The following CETP variants were observed in gnomAD, a reference collection of about 807,000 sequenced individuals.
The protein encoded by CETP is BPI fold containing family F.
Under a neutral mutation model 66.5 loss-of-function variants are expected in CETP, and 56 were observed. The observed-to-expected ratio is 0.84, with a 90% confidence interval of 0.68 to 1.05. The LOEUF (loss-of-function observed/expected upper bound fraction) is 1.05. CETP is among the 50% of genes least tolerant of loss of function. CETP has a pLI of 0.00. For missense variants in CETP, 612 were observed against 609.6 expected (o/e 1.00, Z -0.04); for synonymous variants, 251 against 245.7 (o/e 1.02, Z -0.20).
chr16:56,977,210 C>G (rs943382122), intron 10 of CETP, among the ~76,000 whole-genome samples: 1 of 152,162 alleles, frequency 6.6e-6, no homozygotes, highest in Non-Finnish European at 1.5e-5. Flanking sequence ...CGCACCCCGC[C>G]GGCCCTTTCT....
Position 56,978,216 on chromosome 16 carries a change from C to G in CETP, c.1107C>G (p.Arg369=). ...SSVMVKFLFP[R]PDQQHSVAYT... ...TGATGGTGAAATTCCTCTTTCCACGCCCAGACCAGCAACATTCTGTAGCTT... is the reference window on the plus strand; with the variant it reads ...TGATGGTGAAATTCCTCTTTCCACGGCCAGACCAGCAACATTCTGTAGCTT... The change falls in exon 11 of 16, where the codon CGC becomes CGG. Residue 369 remains arginine, a synonymous_variant. Coordinates refer to ENST00000200676, the MANE Select transcript of CETP (RefSeq NM_000078.3). 6.2e-7 allele frequency: 1 copy of G among 1,614,220 alleles called. No homozygotes were observed. Among genetic ancestry groups the G allele is most frequent in the African/African-American group, 1.3e-5 (1 of 75,056 alleles).
At chr16:56,968,148 G>T (rs1448079488) in intron 2 of CETP, among the ~76,000 whole-genome samples, 1 of 151,750 alleles carries the variant, frequency 6.6e-6, no homozygotes, top group African/African-American at 2.4e-5. Context: ...ATATTTATGG[G>T]GTACATGAGA....
intron 4 of CETP, 63 bp downstream of exon 4, chr16:56,969,744 G>C (rs907604241): frequency 1.3e-6 from 2 of 1,597,012 alleles, no homozygotes; most frequent in Admixed American, 1.7e-5. Flanking sequence ...CTCAGCAGAG[G>C]GGGAGGTTGT....
At chr16:56,970,341 T>C (rs2056100984) in intron 5 of CETP, among the ~76,000 whole-genome samples, 1 of 152,192 alleles carries the variant, frequency 6.6e-6, no homozygotes, top group Non-Finnish European at 1.5e-5. Flanking sequence ...ATGGGTAAAC[T>C]GAGTCACAGA....
chr16:56,964,152 T>A (rs543106555), intron 2 of CETP, among the ~76,000 whole-genome samples: 3 of 151,540 alleles, frequency 2.0e-5, no homozygotes, highest in African/African-American at 7.3e-5. Flanking sequence ...TCAGCCTCCC[T>A]AGTAGCTGGG....
chr16:56,972,135 TC>T (rs2056115844), intron 8 of CETP, 52 bp downstream of exon 8: 1 of 1,419,048 alleles, frequency 7.0e-7, no homozygotes, highest in African/African-American at 1.4e-5. Context: ...GGGGAGTTGG[TC>T]CTTTTTTGTG....
chr16:56,962,376 G>C (rs708272), intron 1 of CETP: 1 of 666,622 alleles, frequency 1.5e-6, no homozygotes, highest in South Asian at 1.4e-5. Context: ...ACTGGGGTTC[G>C]AGTTAGGGTT....
intron 9 of CETP, 69 bp from the exon 10 acceptor site, chr16:56,975,032 C>T: frequency 1.4e-6 from 2 of 1,430,604 alleles, no homozygotes; most frequent in Non-Finnish European, 2.0e-6. Flanking sequence ...GCCCTTGGTC[C>T]CTGCGAAGTT....
chr16:56,970,849 G>T (rs1203183459), intron 5 of CETP, among the ~76,000 whole-genome samples, 184 bp from the exon 6 acceptor site: 1 of 152,228 alleles, frequency 6.6e-6, no homozygotes, highest in Non-Finnish European at 1.5e-5. Flanking sequence ...CTGGGATGGT[G>T]CCACAGTTAA....
At chr16:56,962,448 T>A (rs1382647112) in intron 1 of CETP, 1 of 541,436 alleles carries the variant, frequency 1.8e-6, no homozygotes, top group Non-Finnish European at 3.6e-6. Context: ...TGGTGTATAT[T>A]TGGTGTTGGG....
intron 8 of CETP, 138 bp from the exon 9 acceptor site, chr16:56,973,193 A>G: frequency 1.1e-6 from 1 of 874,310 alleles, no homozygotes; most frequent in Non-Finnish European, 1.8e-6. Flanking sequence ...CCGCTGGGGG[A>G]AACTGGGTAC....
At chr16:56,964,018 ATTTAT>A in intron 2 of CETP, among the ~76,000 whole-genome samples, 1 of 138,150 alleles carries the variant, frequency 7.2e-6, no homozygotes, top group South Asian at 2.3e-4. Flanking sequence ...TTATTTATTT[ATTTAT>A]TTATTTATTT....
chr16:56,963,139 G>C lies in CETP; in HGVS notation c.233+15G>C, dbSNP rs780907769. On this transcript the variant is annotated intron_variant, in intron 2 of 15. Coordinates refer to ENST00000200676, the MANE Select transcript of CETP (RefSeq NM_000078.3). ...GGGTTGCACAAGTGAGTCGGGCCTC[G>C]GGTGTGACCAGGCTGGGGGTAGGGA... The C allele has an allele frequency of 6.2e-7, 1 of 1,605,288 alleles. No homozygotes were observed. Among genetic ancestry groups the C allele is most frequent in the African/African-American group, 1.3e-5 (1 of 74,848 alleles).
intron 2 of CETP, among the ~76,000 whole-genome samples, chr16:56,966,767 TC>T (rs2056069760): frequency 7.8e-6 from 1 of 128,282 alleles, no homozygotes; most frequent in South Asian, 2.4e-4. Flanking sequence ...TCCCGGCTAA[TC>T]TTTTTTTTTT....
chr16:56,981,267 A>G (rs1567476111), intron 12 of CETP, 42 bp downstream of exon 12: 1 of 1,485,518 alleles, frequency 6.7e-7, no homozygotes. Flanking sequence ...AACTCCGCAA[A>G]CCTCTCCCTG....
At position 56,970,756 on chromosome 16, in the gene CETP, C is replaced by T. The variant is rs542467807; in HGVS notation, c.528-277C>T. ...TTTCTGACTCTGGAGCAGACGGATA[C>T]ATGTATGAATTTGGACTCTAGACAC... is the stretch of plus-strand genomic sequence containing the variant. On this transcript the variant is annotated intron_variant, in intron 5 of 15. Transcript: ENST00000200676. Among the ~76,000 whole-genome samples, 3 of 152,292 alleles carry T rather than the reference C, an allele frequency of 2.0e-5. No homozygotes were observed. In the South Asian group the frequency reaches 6.2e-4, roughly 32 times the overall value.
At chr16:56,979,803 G>A (rs764048613) in intron 11 of CETP, among the ~76,000 whole-genome samples, 13 of 151,732 alleles carry the variant, frequency 8.6e-5, no homozygotes, top group Admixed American at 3.9e-4. Context: ...CACTGTGCTC[G>A]GCCAATATTT....
At position 56,969,611 on chromosome 16, in the gene CETP, G is replaced by C. The variant is rs1293086003; in HGVS notation, c.369G>C (p.Trp123Cys). 6.2e-7 allele frequency: 1 copy of C among 1,614,212 alleles called. No homozygotes were observed. Among genetic ancestry groups the C allele is most frequent in the South Asian group, 1.1e-5 (1 of 91,078 alleles). The change falls in exon 4 of 16, where the codon TGG becomes TGC. Residue 123 changes from tryptophan to cysteine, a missense_variant and splice_region_variant. Physicochemically the swap from Trp to Cys is radical, Grantham distance 215 (BLOSUM62 -2). Transcript: ENST00000200676. ...GTCCTGGGTCCTTGGCTCTTTCCAG[G>C]CTGGGTATTGATCAGTCCATTGACT... ...TLKYGYTTAW[W>C]LGIDQSIDFE...
intron 2 of CETP, among the ~76,000 whole-genome samples, chr16:56,965,135 A>T (rs1315654824): frequency 6.6e-6 from 1 of 152,220 alleles, no homozygotes; most frequent in East Asian, 1.9e-4. Flanking sequence ...TATGTGTTGC[A>T]AGAGGTCAGA....
Sources: gnomAD v4.1 joint callset for allele counts (sites outside exome capture counted in the v4.1 genomes callset) on GRCh38, gnomAD v4.1.1 for gene constraint, MANE v1.5 for transcripts, NCBI Gene and HGNC (gene_info 2026-07-23, HGNC 2026-07-21) for gene names.